Variants in CEP350 observed in about 807,000 individuals in gnomAD.
The protein encoded by CEP350 is centrosome-associated protein 350.
A neutral mutation model predicts 331.8 loss-of-function variants in CEP350; 126 were observed. That is an observed-to-expected ratio of 0.38 (90% CI 0.33 to 0.44). CEP350 has a LOEUF of 0.44. Ranked by LOEUF, CEP350 falls within the 20% of genes least tolerant of loss-of-function variation. CEP350 has a pLI of 1.00. For synonymous variants in CEP350, 1,200 were observed against 1,259.5 expected (o/e 0.95, Z 1.00); for missense variants, 3,406 against 3,634.6 (o/e 0.94, Z 1.62).
At chr1:180,022,436 T>C (rs532739868) in intron 12 of CEP350, among the ~76,000 whole-genome samples, 25 of 152,320 alleles carry the variant, frequency 1.6e-4, no homozygotes, top group East Asian at 9.6e-4. Flanking sequence ...AGATTGGTGA[T>C]GTATTGGTCA....
At chr1:180,091,210 G>C (rs1005958831) in intron 33 of CEP350, among the ~76,000 whole-genome samples, 1 of 151,110 alleles carries the variant, frequency 6.6e-6, no homozygotes, top group Non-Finnish European at 1.5e-5. Flanking sequence ...AGACGGGGGG[G>C]TCTCACCGTT....
At chr1:180,110,968 T>G in intron 37 of CEP350, 29 bp from the exon 38 acceptor site, 1 of 1,596,384 alleles carries the variant, frequency 6.3e-7, no homozygotes, top group Non-Finnish European at 8.6e-7. Flanking sequence ...GACAGGAATT[T>G]TCTAACCTTA....
intron 13 of CEP350, among the ~76,000 whole-genome samples, chr1:180,023,668 C>T (rs922864210): frequency 1.2e-4 from 19 of 152,150 alleles, no homozygotes; most frequent in Non-Finnish European, 2.5e-4. Flanking sequence ...GAAAGTATTA[C>T]TGTTATCATT....
chr1:180,058,415 A>G (rs1657986811), intron 25 of CEP350, among the ~76,000 whole-genome samples: 1 of 152,230 alleles, frequency 6.6e-6, no homozygotes, highest in Non-Finnish European at 1.5e-5. Flanking sequence ...TTTAATAGAA[A>G]AGCAAGATGC....
chr1:179,955,367 CT>C (rs563738600), intron 1 of CEP350, among the ~76,000 whole-genome samples: 20 of 152,172 alleles, frequency 1.3e-4, no homozygotes, highest in Non-Finnish European at 2.9e-4. Context: ...AATTTCCTTC[CT>C]TACGTGCCAG....
intron 8 of CEP350, among the ~76,000 whole-genome samples, chr1:180,011,140 G>A (rs1654627806): frequency 6.6e-6 from 1 of 151,862 alleles, no homozygotes; most frequent in African/African-American, 2.4e-5. Context: ...TTTATGATGA[G>A]GGCCATTTAA....
intron 25 of CEP350, among the ~76,000 whole-genome samples, chr1:180,059,625 CT>C (rs372560791): frequency 2.4e-3 from 337 of 139,542 alleles, no homozygotes; most frequent in Middle Eastern, 0.012. Flanking sequence ...AATTGTGAGC[CT>C]TTTTTTTTTT....
intron 27 of CEP350, among the ~76,000 whole-genome samples, chr1:180,071,574 C>T (rs1414448772): frequency 9.3e-5 from 14 of 150,514 alleles, no homozygotes. Context: ...GTCAGGAGTT[C>T]AAGACCAGCC....
chr1:180,107,481 C>T (rs1207346656), intron 37 of CEP350, among the ~76,000 whole-genome samples: 1 of 152,138 alleles, frequency 6.6e-6, no homozygotes, highest in Non-Finnish European at 1.5e-5. Flanking sequence ...CCAGCCTGGC[C>T]AACATGGTGA....
intron 8 of CEP350, among the ~76,000 whole-genome samples, chr1:180,011,115 A>C (rs1214049863): frequency 6.6e-6 from 1 of 151,970 alleles, no homozygotes; most frequent in Non-Finnish European, 1.5e-5. Context: ...ATTTATTGAA[A>C]CATTTTTTTG....
chr1:179,996,479 T>G (rs1052378711), intron 5 of CEP350, 74 bp from the exon 6 acceptor site: 6 of 1,097,494 alleles, frequency 5.5e-6, no homozygotes, highest in Non-Finnish European at 6.4e-6. Context: ...ACACTTAAAA[T>G]CTACTCTTAG....
chr1:180,011,487 T>C (rs1654654100), intron 8 of CEP350, among the ~76,000 whole-genome samples: 1 of 152,192 alleles, frequency 6.6e-6, no homozygotes. Context: ...GTCACCAGGC[T>C]GGAGTGCAGT....
chr1:179,998,345 G>C (rs1300167754), intron 6 of CEP350, among the ~76,000 whole-genome samples: 5 of 125,296 alleles, frequency 4.0e-5, no homozygotes, highest in African/African-American at 1.6e-4. Flanking sequence ...GTCTCACTCT[G>C]TCGCCCAGGC....
chr1:180,052,296 C>A (rs962781577), intron 22 of CEP350: 1 of 449,200 alleles, frequency 2.2e-6, no homozygotes, highest in Admixed American at 2.4e-5. Flanking sequence ...ACCTTGGCAT[C>A]CCAAAATGCT....
intron 36 of CEP350, among the ~76,000 whole-genome samples, chr1:180,096,701 G>A (rs1408571594): frequency 3.9e-5 from 6 of 152,282 alleles, no homozygotes; most frequent in South Asian, 4.1e-4. Flanking sequence ...AATGTGATAC[G>A]TAAAAATATT....
intron 7 of CEP350, 67 bp downstream of exon 7, chr1:180,003,354 C>T: frequency 9.7e-7 from 1 of 1,028,156 alleles, no homozygotes; most frequent in South Asian, 1.6e-5. Flanking sequence ...ATAATATTTA[C>T]ACATAAAATT....
chr1:180,042,168 A>ACACACG (rs397777176), intron 19 of CEP350, among the ~76,000 whole-genome samples: 3 of 148,458 alleles, frequency 2.0e-5, no homozygotes, highest in African/African-American at 7.5e-5. Context: ...ACACACACAC[A>ACACACG]TCTCCCTATA....
intron 15 of CEP350, among the ~76,000 whole-genome samples, chr1:180,033,488 CAT>C (rs1394043178): frequency 2.0e-5 from 3 of 152,092 alleles, no homozygotes; most frequent in African/African-American, 7.2e-5. Context: ...TTTTAAGACT[CAT>C]ATATGGCTCC....
Position 180,093,346 on chromosome 1 carries a change from A to ATTC in CEP350, c.7242_7243insTCT (p.Asp2414_Lys2415insSer), listed in dbSNP as rs1660302694. On this transcript the variant is annotated inframe_insertion, in exon 34 of 38. Transcript: ENST00000367607. ...AGGAAAGACTCTCAGTCTTGCAGAGATAAGCCACAGCCAATGAGGAGCTCT... is the reference window on the plus strand; with the variant it reads ...AGGAAAGACTCTCAGTCTTGCAGAGATTCTAAGCCACAGCCAATGAGGAGCTCT... 17 of 1,599,986 alleles carry ATTC rather than the reference A, an allele frequency of 1.1e-5. No homozygotes were observed. Among genetic ancestry groups the ATTC allele is most frequent in the Non-Finnish European group, 1.4e-5 (16 of 1,173,054 alleles).
Sources: gnomAD v4.1 joint callset for allele counts (sites outside exome capture counted in the v4.1 genomes callset) on GRCh38, gnomAD v4.1.1 for gene constraint, MANE v1.5 for transcripts, NCBI Gene and HGNC (gene_info 2026-07-23, HGNC 2026-07-21) for gene names.